The following KIAA1328 variants were observed in gnomAD, a reference collection of about 807,000 sequenced individuals.
KIAA1328 encodes the protein protein hinderin.
A neutral mutation model predicts 68.1 loss-of-function variants in KIAA1328; 52 were observed. The ratio of observed to expected loss-of-function variants is 0.76; its 90% CI spans 0.61 to 0.96. The LOEUF is 0.96. KIAA1328 is among the 40% of genes least tolerant of loss of function. The pLI, the probability that KIAA1328 is intolerant of heterozygous loss-of-function variation, is 0.00. For missense variants in KIAA1328, 641 were observed against 677.6 expected (o/e 0.95, Z 0.60); for synonymous variants, 232 against 239.4 (o/e 0.97, Z 0.28).
intron 6 of KIAA1328, among the ~76,000 whole-genome samples, chr18:36,973,071 A>G (rs1293166292): frequency 1.3e-5 from 2 of 152,218 alleles, no homozygotes; most frequent in East Asian, 3.8e-4. Context: ...CTTGGAACCA[A>G]CACAAATGTC....
chr18:37,218,496 CAAAA>C (rs1042592199), intron 9 of KIAA1328, among the ~76,000 whole-genome samples: 3 of 151,808 alleles, frequency 2.0e-5, no homozygotes, highest in African/African-American at 7.3e-5. Context: ...ATTAAGGAGA[CAAAA>C]AAAGGAAAAT....
intron 9 of KIAA1328, among the ~76,000 whole-genome samples, chr18:37,208,816 A>C (rs1309495447): frequency 2.0e-5 from 3 of 152,202 alleles, no homozygotes; most frequent in Non-Finnish European, 4.4e-5. Flanking sequence ...GTGAAGCAAA[A>C]GCTCCAGAAG....
intron 6 of KIAA1328, among the ~76,000 whole-genome samples, chr18:36,984,029 A>C (rs1455878719): frequency 6.6e-6 from 1 of 152,146 alleles, no homozygotes; most frequent in African/African-American, 2.4e-5. Context: ...ATAGGTCCAA[A>C]TTTTTTTAGA....
At position 36,885,635 on chromosome 18, in the gene KIAA1328, G is replaced by T. The variant is rs1010092051; in HGVS notation, c.411G>T (p.Leu137Phe). 29 of 1,598,662 alleles carry T rather than the reference G, an allele frequency of 1.8e-5. No homozygotes were observed. The highest frequency in any genetic ancestry group is 2.5e-5 in the Non-Finnish European group (29 of 1,172,212). ...QESFEKKIRQLEEQNELIIKE... is the reference protein window; with the variant it reads ...QESFEKKIRQFEEQNELIIKE... ...CATTTGAGAAGAAGATCAGGCAGTT[G>T]GAAGAACAGAATGAACTGATCATCA... is the stretch of plus-strand genomic sequence containing the variant. The change falls in exon 5 of 10, where the codon TTG becomes TTT. Residue 137 changes from leucine (L) to phenylalanine (F), a missense_variant. Physicochemically the swap from Leu to Phe is conservative, Grantham distance 22 (BLOSUM62 0). Coordinates refer to ENST00000280020, the MANE Select transcript of KIAA1328 (RefSeq NM_020776.3).
intron 7 of KIAA1328, among the ~76,000 whole-genome samples, chr18:37,129,656 C>T (rs1339581513): frequency 6.6e-6 from 1 of 152,114 alleles, no homozygotes; most frequent in African/African-American, 2.4e-5. Flanking sequence ...ATTTTCTTTT[C>T]AGAGTTAGCC....
intron 3 of KIAA1328, among the ~76,000 whole-genome samples, chr18:36,836,571 G>A (rs1357892917): frequency 1.3e-5 from 2 of 152,026 alleles, no homozygotes; most frequent in African/African-American, 4.8e-5. Flanking sequence ...TATGTGCACA[G>A]ACCCCAAAAT....
At chr18:37,076,565 A>G (rs1445201901) in intron 7 of KIAA1328, among the ~76,000 whole-genome samples, 4 of 151,948 alleles carry the variant, frequency 2.6e-5, no homozygotes, top group African/African-American at 7.2e-5. Context: ...TGAAAGGATC[A>G]ACAAAATTGA....
Position 37,222,488 on chromosome 18 carries a change from G to A in KIAA1328, c.*261G>A. ...CTAAACAGATTAGAAAATTAACATA[G>A]GATACTTTCTGCGTGGTGGAAACCA... On this transcript the variant is annotated 3_prime_UTR_variant, in exon 10 of 10. Coordinates refer to ENST00000280020, the MANE Select transcript of KIAA1328 (RefSeq NM_020776.3). 7 of 1,273,838 alleles carry A rather than the reference G, an allele frequency of 5.5e-6. No homozygotes were observed. The highest frequency in any genetic ancestry group is 7.0e-6 in the Non-Finnish European group (7 of 1,004,758). The allele number at this position is 1,273,838 out of a possible 1,614,324, so 78.9% of individuals were successfully genotyped here. A position where few individuals can be genotyped will look rare whatever the true frequency, so the allele number is the denominator to read the frequency against.
At chr18:37,050,898 T>G (rs1377000180) in intron 6 of KIAA1328, among the ~76,000 whole-genome samples, 1 of 152,216 alleles carries the variant, frequency 6.6e-6, no homozygotes, top group South Asian at 2.1e-4. Context: ...ATTTCCTTGA[T>G]GTACAGCAAC....
intron 6 of KIAA1328, among the ~76,000 whole-genome samples, chr18:37,003,261 T>C (rs2151461135): frequency 6.6e-6 from 1 of 152,062 alleles, no homozygotes; most frequent in East Asian, 1.9e-4. Context: ...TCAGGTAAAC[T>C]CTCTTGGACA....
chr18:37,027,386 A>C (rs552917896), intron 6 of KIAA1328, among the ~76,000 whole-genome samples: 1 of 152,300 alleles, frequency 6.6e-6, no homozygotes, highest in African/African-American at 2.4e-5. Flanking sequence ...TTCATATGGA[A>C]CCAAAAAGAG....
intron 6 of KIAA1328, among the ~76,000 whole-genome samples, chr18:36,977,586 T>A (rs1304064501): frequency 1.3e-5 from 2 of 152,080 alleles, no homozygotes; most frequent in Non-Finnish European, 2.9e-5. Flanking sequence ...CACTATCTCA[T>A]AGAGAAGGAC....
At chr18:36,945,676 C>G (rs2050873842) in intron 5 of KIAA1328, among the ~76,000 whole-genome samples, 1 of 152,056 alleles carries the variant, frequency 6.6e-6, no homozygotes, top group African/African-American at 2.4e-5. Context: ...AATGCTGTTC[C>G]CCAAGGCCAT....
chr18:37,138,806 G>A (rs1490944196), intron 7 of KIAA1328, among the ~76,000 whole-genome samples: 1 of 151,962 alleles, frequency 6.6e-6, no homozygotes, highest in Admixed American at 6.6e-5. Flanking sequence ...GTACCTCCAT[G>A]CCTGAATACA....
intron 6 of KIAA1328, among the ~76,000 whole-genome samples, chr18:36,983,463 T>C (rs2052778750): frequency 6.6e-6 from 1 of 152,092 alleles, no homozygotes; most frequent in Non-Finnish European, 1.5e-5. Context: ...ATACTTGATT[T>C]CATTACCACC....
intron 7 of KIAA1328, among the ~76,000 whole-genome samples, chr18:37,153,170 C>T (rs1464312268): frequency 1.3e-5 from 2 of 152,152 alleles, no homozygotes; most frequent in African/African-American, 2.4e-5. Flanking sequence ...CCTCCTCAAG[C>T]TTGTCTACAA....
At chr18:37,008,826 A>ATAGGTCAATAGAAACT (rs2053874902) in intron 6 of KIAA1328, among the ~76,000 whole-genome samples, 1 of 152,186 alleles carries the variant, frequency 6.6e-6, no homozygotes, top group Non-Finnish European at 1.5e-5. Context: ...AAATTTGAAG[A>ATAGGTCAATAGAAACT]TAGGTCAATA....
At chr18:37,139,839 T>C (rs986401836) in intron 7 of KIAA1328, among the ~76,000 whole-genome samples, 6 of 152,186 alleles carry the variant, frequency 3.9e-5, no homozygotes, top group African/African-American at 1.4e-4. Flanking sequence ...AAAATACTTA[T>C]AATGTAAGTA....
intron 6 of KIAA1328, among the ~76,000 whole-genome samples, chr18:36,975,176 ATTTTTT>A (rs751805080): frequency 3.5e-5 from 4 of 114,942 alleles, no homozygotes; most frequent in African/African-American, 1.0e-4. Context: ...ACAAGCTACA[ATTTTTT>A]TTTTTTTTTT....
Sources: gnomAD v4.1 joint callset for allele counts (sites outside exome capture counted in the v4.1 genomes callset) on GRCh38, gnomAD v4.1.1 for gene constraint, MANE v1.5 for transcripts, NCBI Gene and HGNC (gene_info 2026-07-23, HGNC 2026-07-21) for gene names.